HMCN2: variants seen among roughly 807,000 people sequenced by gnomAD.
The protein encoded by HMCN2 is hemicentin 2, also known as hemicentin-2.
In HMCN2, 325 loss-of-function variants were observed where a neutral mutation model predicts 377.5. The observed-to-expected ratio is 0.86, with a 90% CI of 0.79 to 0.94. The LOEUF (loss-of-function observed/expected upper bound fraction) is 0.94, where lower values mean the gene tolerates loss of function less well. Ranked by LOEUF, HMCN2 falls within the 40% of genes least tolerant of loss-of-function variation. HMCN2 has a pLI of 0.00. For missense variants in HMCN2, 4,543 were observed against 4,725.3 expected (o/e 0.96, Z 1.13); for synonymous variants, 2,007 against 2,046.8 (o/e 0.98, Z 0.53).
At chr9:130,418,093 T>TAGAGGC (rs1169690481) in intron 85 of HMCN2, among the ~76,000 whole-genome samples, 1 of 152,160 alleles carries the variant, frequency 6.6e-6, no homozygotes, top group Admixed American at 6.5e-5. Context: ...TGGCATCAAC[T>TAGAGGC]AGAGGCAGTT....
intron 47 of HMCN2, among the ~76,000 whole-genome samples, chr9:130,372,752 T>C (rs1484083292): frequency 6.6e-6 from 1 of 152,200 alleles, no homozygotes; most frequent in Non-Finnish European, 1.5e-5. Context: ...CATGGAACTT[T>C]CCAGAAACAG....
intron 4 of HMCN2, among the ~76,000 whole-genome samples, chr9:130,294,424 A>G (rs1835995530): frequency 1.3e-5 from 2 of 152,208 alleles, no homozygotes; most frequent in African/African-American, 2.4e-5. Context: ...TGCTTAGGGA[A>G]CGTGGCGCCC....
intron 92 of HMCN2, among the ~76,000 whole-genome samples, chr9:130,427,829 A>G (rs1411174829): frequency 6.6e-6 from 1 of 152,196 alleles, no homozygotes; most frequent in East Asian, 1.9e-4. Flanking sequence ...AATGAGGCCC[A>G]GGTATCAGGG....
At chr9:130,367,275 G>A (rs1308029522) in intron 43 of HMCN2, among the ~76,000 whole-genome samples, 1 of 152,116 alleles carries the variant, frequency 6.6e-6, no homozygotes, top group East Asian at 1.9e-4. Context: ...AGTGGATGGT[G>A]AGAGACAGGT....
chr9:130,295,006 T>C lies in HMCN2; in HGVS notation c.764T>C (p.Ile255Thr), dbSNP rs1428200669. ...TCATTGAGTGGGCCAGGGCCTGAGA[T>C]TGAAGTCCAAGATCCGCTGGGTATG... ...TISLSGPGPE[I>T]EVQDPLGRIL... The change falls in exon 5 of 98, where the codon ATT becomes ACT. Residue 255 changes from isoleucine (I) to threonine (T), a missense_variant. By Grantham distance (89) the Ile-to-Thr change is moderately conservative. Around this residue, in one of 5 missense-constraint regions of HMCN2, gnomAD observed 547 missense variants for 189.9 expected, o/e 2.88. Transcript: ENST00000683500. 6 of 469,802 alleles carry C rather than the reference T, an allele frequency of 1.3e-5. No individual in the cohort carries two copies. Among genetic ancestry groups the C allele is most frequent in the Non-Finnish European group, 2.6e-5 (6 of 226,472 alleles). 29.1% of individuals were successfully genotyped at this position (469,802 alleles called of 1,614,324 possible).
At chr9:130,279,740 G>A (rs146337467) in intron 1 of HMCN2, among the ~76,000 whole-genome samples, 10 of 152,308 alleles carry the variant, frequency 6.6e-5, no homozygotes, top group Admixed American at 1.3e-4. Context: ...GGTGAAAGCC[G>A]TGGTAGGGTA....
intron 44 of HMCN2, among the ~76,000 whole-genome samples, chr9:130,368,847 C>T (rs12004914): frequency 0.022 from 3,330 of 152,198 alleles, 133 homozygotes; most frequent in African/African-American, 0.076. Flanking sequence ...TAGGGGAAAC[C>T]GCCCAGATGA....
At position 130,309,265 on chromosome 9, in the gene HMCN2, A is replaced by G. The variant is rs562358370; in HGVS notation, c.2201-647A>G. 8.5e-5 allele frequency among the ~76,000 whole-genome samples: 13 copies of G among 152,250 alleles called. 1 individual carries two copies. The East Asian group carries it at 1.5e-3, about 18-fold the overall frequency. ...GTGGTGACTCACGCCTGTAATCCCA[A>G]CACTTTGGGAGCCCGAGGTGGGCAG... On this transcript the variant is annotated intron_variant, in intron 14 of 97. Transcript: ENST00000683500.
intron 15 of HMCN2, among the ~76,000 whole-genome samples, chr9:130,317,141 G>A (rs1837601915): frequency 6.6e-6 from 1 of 151,780 alleles, no homozygotes; most frequent in African/African-American, 2.4e-5. Flanking sequence ...GGGGGAAGCA[G>A]GGGTGGGGTG....
chr9:130,391,663 TG>T (rs1842329011), intron 65 of HMCN2, 89 bp downstream of exon 65: 1 of 977,226 alleles, frequency 1.0e-6, no homozygotes, highest in Admixed American at 6.2e-5. Flanking sequence ...CACTGTGTCC[TG>T]GGCCACGGGT....
intron 49 of HMCN2, among the ~76,000 whole-genome samples, 179 bp downstream of exon 49, chr9:130,374,872 A>G (rs1841289381): frequency 6.6e-6 from 1 of 152,250 alleles, no homozygotes; most frequent in South Asian, 2.1e-4. Context: ...TGGGCCAGGC[A>G]TTTCAACAGG....
At position 130,286,425 on chromosome 9, in the gene HMCN2, G is replaced by A. The variant is rs1173697663; in HGVS notation, c.612+115G>A. ...GACAATCAATCATCCAGAGATGCAG[G>A]GACATCTATATAGCTGAGCAGCACT... On this transcript the variant is annotated intron_variant, in intron 4 of 97. Transcript: ENST00000683500. The A allele has an allele frequency of 3.3e-5, 14 of 418,504 alleles. No homozygotes were observed. The East Asian group carries it at 8.6e-4, about 26-fold the overall frequency. The allele number at this position is 418,504 out of a possible 1,614,324, so 25.9% of individuals were successfully genotyped here.
intron 77 of HMCN2, among the ~76,000 whole-genome samples, chr9:130,401,846 G>A (rs58768216): frequency 0.037 from 5,611 of 152,196 alleles, 238 homozygotes; most frequent in African/African-American, 0.11. Context: ...GGCTGAGGCA[G>A]GAGGATTGTT....
At chr9:130,294,209 G>A (rs1431894069) in intron 4 of HMCN2, among the ~76,000 whole-genome samples, 5 of 152,298 alleles carry the variant, frequency 3.3e-5, no homozygotes, top group African/African-American at 9.6e-5. Flanking sequence ...CTAAGGGATA[G>A]GATGATATCC....
chr9:130,303,580 G>T lies in HMCN2; in HGVS notation c.1515G>T (p.Gly505=). Residue 505 remains glycine, a synonymous_variant, in exon 10 of 98, where the codon GGG becomes GGT. Transcript: ENST00000683500. This position sits in a 1 kb window ranked among gnomAD's most constrained non-coding sequence, Gnocchi z 5.2. ...CAGCCGTCAGCAGGGCTGGGACCGG[G>T]CGAGCAAAGGCCCAGATTGTTGTCA... ...ECTAVSRAGT[G]RAKAQIVVTD... is the part of the protein sequence containing the mutation. The T allele has an allele frequency of 2.8e-6, 1 of 359,946 alleles. No individual in the cohort carries two copies. Among genetic ancestry groups the T allele is most frequent in the Non-Finnish European group, 6.0e-6 (1 of 167,676 alleles). The allele number at this position is 359,946 out of a possible 1,614,324, so 22.3% of individuals were successfully genotyped here.
chr9:130,368,107 C>A (rs1588323928), intron 43 of HMCN2, among the ~76,000 whole-genome samples, 169 bp from the exon 44 acceptor site: 1 of 152,056 alleles, frequency 6.6e-6, no homozygotes, highest in African/African-American at 2.4e-5. Context: ...GCACCAGGAC[C>A]AGAAGTGGCA....
intron 56 of HMCN2, 100 bp from the exon 57 acceptor site, chr9:130,383,404 C>G (rs1841836970): frequency 2.3e-6 from 1 of 441,544 alleles, no homozygotes. Context: ...TGCCTGCTTC[C>G]CTGGCATGGG....
At chr9:130,358,819 A>G (rs1055359515) in intron 36 of HMCN2, among the ~76,000 whole-genome samples, 1 of 151,964 alleles carries the variant, frequency 6.6e-6, no homozygotes, top group South Asian at 2.1e-4. Context: ...GGCTACAGGC[A>G]CCCACCACCA....
chr9:130,363,841 A>G (rs11243580), intron 40 of HMCN2, among the ~76,000 whole-genome samples: 1 of 150,094 alleles, frequency 6.7e-6, no homozygotes, highest in Non-Finnish European at 1.5e-5. Flanking sequence ...AAAAGAAAGA[A>G]AGAGAGAAAA....
Sources: allele counts gnomAD v4.1 joint callset (sites outside exome capture counted in the v4.1 genomes callset), GRCh38; gene constraint gnomAD v4.1.1; regional missense constraint gnomAD v4.1.1; non-coding constraint Gnocchi (gnomAD v3.1); transcripts MANE v1.5; gene names NCBI Gene and HGNC (gene_info 2026-07-23, HGNC 2026-07-21).